The following OR2B3 variants were observed in gnomAD, a reference collection of about 807,000 sequenced individuals.
OR2B3 encodes putative olfactory receptor 2B3.
For synonymous variants in OR2B3, 123 were observed against 133.8 expected (o/e 0.92, Z 0.56); for missense variants, 341 against 374.8 (o/e 0.91, Z 0.74).
At position 29,086,346 on chromosome 6, in the gene OR2B3, G is replaced by A. The variant is rs373141317; in HGVS notation, c.903C>T (p.Phe301=). 7 of 1,604,058 alleles carry A rather than the reference G, an allele frequency of 4.4e-6. No individual in the cohort carries two copies. The highest frequency in any genetic ancestry group is 4.5e-5 in the East Asian group (2 of 44,814). Reference sequence around the variant, plus strand: ...AAAAGATTCTTGGCATCAGCCTCTTGAAGGCCTCCTTCATATCTTTATTTC... The same window carrying A: ...AAAAGATTCTTGGCATCAGCCTCTTAAAGGCCTCCTTCATATCTTTATTTC... The part of the protein sequence containing the change: ...SLRNKDMKEA[F]KRLMPRIFFC... Residue 301 remains phenylalanine, a synonymous_variant, in exon 1 of 1, where the codon TTC becomes TTT. Coordinates refer to ENST00000377173, the MANE Select transcript of OR2B3 (RefSeq NM_001005226.2).
In OR2B3 at chr6:29,086,865, T is replaced by A; in HGVS notation, c.384A>T (p.Arg128Ser). The change falls in exon 1 of 1, where the codon AGA becomes AGT. Residue 128 changes from arginine (R) to serine (S), a missense_variant. By Grantham distance (110) the Arg-to-Ser change is moderately radical. Transcript: ENST00000377173. ...MSFDRYVAVC[R>S]PLHYVVIMNY... ...TCATGATGACTACATAGTGGAGGGG[T>A]CTGCAAACAGCCACATATCTGTCAA... 2 of 1,613,954 alleles carry A rather than the reference T, an allele frequency of 1.2e-6. No homozygotes were observed. Among genetic ancestry groups the A allele is most frequent in the Middle Eastern group, 1.6e-4 (1 of 6,062 alleles).
chr6:29,087,257 A>G lies in OR2B3; in HGVS notation c.-9T>C. On this transcript the variant is annotated 5_prime_UTR_variant, in exon 1 of 1. Coordinates refer to ENST00000377173, the MANE Select transcript of OR2B3 (RefSeq NM_001005226.2). ...TCATTTTCCCAATTCATGATGACTC[A>G]CTTATTTCGCACTCCTAAAAAAATG... is the stretch of plus-strand genomic sequence containing the variant. 6.4e-7 allele frequency: 1 copy of G among 1,573,520 alleles called. No homozygotes were observed. Among genetic ancestry groups the G allele is most frequent in the Non-Finnish European group, 8.7e-7 (1 of 1,153,192 alleles).
In OR2B3 at chr6:29,086,406, G is replaced by A. The variant is rs750773798; in HGVS notation, c.843C>T (p.Ile281=). Residue 281 remains isoleucine, a synonymous_variant, in exon 1 of 1, where the codon ATC becomes ATT. Coordinates refer to ENST00000377173, the MANE Select transcript of OR2B3 (RefSeq NM_001005226.2). ...AGATGAGGGAGTTCAACATGGATGT[G>A]ATGATTCCATAGAAGAGGGAAACCA... The part of the protein sequence containing the change: ...GKMVSLFYGI[I]TSMLNSLIYS... 6.2e-7 allele frequency: 1 copy of A among 1,613,974 alleles called. No individual in the cohort carries two copies. Among genetic ancestry groups the A allele is most frequent in the Admixed American group, 1.7e-5 (1 of 60,016 alleles).
chr6:29,087,287 A>C lies in OR2B3; in HGVS notation c.-39T>G, dbSNP rs368004093. ...TTTCGCACTCCTAAAAAAATGTAAG[A>C]TAGGAAAGCAATCAATGTTTGTTTA... On this transcript the variant is annotated 5_prime_UTR_variant, in exon 1 of 1. Coordinates refer to ENST00000377173, the MANE Select transcript of OR2B3 (RefSeq NM_001005226.2). 9.8e-6 allele frequency: 13 copies of C among 1,332,866 alleles called. No homozygotes were observed. The highest frequency in any genetic ancestry group is 1.4e-5 in the Non-Finnish European group (13 of 953,566). The allele number at this position is 1,332,866 out of a possible 1,614,324, so 82.6% of individuals were successfully genotyped here.
rs866319415 is a variant in OR2B3, at chr6:29,086,533, C to T, written c.716G>A (p.Gly239Glu). 1 of 1,614,018 alleles carries T rather than the reference C, an allele frequency of 6.2e-7. No individual in the cohort carries two copies. The highest frequency in any genetic ancestry group is 8.5e-7 in the Non-Finnish European group (1 of 1,179,940). ...RSAEGRQKAF[G>E]TCGSHMIVVS... ...CACAATCATGTGGGACCCACATGTC[C>T]CAAATGCTTTTTGCCGTCCTTCTGC... Residue 239 changes from glycine (G) to glutamate (E), a missense_variant, in exon 1 of 1, where the codon GGG (glycine) becomes GAG (glutamate). Transcript: ENST00000377173.
chr6:29,086,574 T>C lies in OR2B3; in HGVS notation c.675A>G (p.Val225=), dbSNP rs1434257853. The C allele has an allele frequency of 2.5e-6, 4 of 1,614,054 alleles. No individual in the cohort carries two copies. In the East Asian group the frequency reaches 8.9e-5, roughly 36 times the overall value. ...LISYGFIAQA[V]LKIRSAEGRQ... Reference sequence around the variant, plus strand: ...GTCCTTCTGCTGACCTGATTTTTAATACTGCTTGAGCTATGAAGCCATAGG... The same window carrying C: ...GTCCTTCTGCTGACCTGATTTTTAACACTGCTTGAGCTATGAAGCCATAGG... The change falls in exon 1 of 1, where the codon GTA becomes GTG. Residue 225 remains valine, a synonymous_variant. Coordinates refer to ENST00000377173, the MANE Select transcript of OR2B3 (RefSeq NM_001005226.2).
At position 29,087,048 on chromosome 6, in the gene OR2B3, G is replaced by T; in HGVS notation, c.201C>A (p.Ser67=). Residue 67 remains serine, a synonymous_variant, in exon 1 of 1, where the codon TCC becomes TCA. Coordinates refer to ENST00000377173, the MANE Select transcript of OR2B3 (RefSeq NM_001005226.2). ...TPMYFFLTNL[S]ILDLCYTTTT... Reference sequence around the variant, plus strand: ...TTGTGGTATAGCAGAGATCTAAGATGGAGAGATTAGTGAGAAAGAAATACA... The same window carrying T: ...TTGTGGTATAGCAGAGATCTAAGATTGAGAGATTAGTGAGAAAGAAATACA... The T allele has an allele frequency of 6.2e-7, 1 of 1,614,166 alleles. No homozygotes were observed. The highest frequency in any genetic ancestry group is 8.5e-7 in the Non-Finnish European group (1 of 1,180,004).
In OR2B3 at chr6:29,087,166, A is replaced by G. The variant is rs1394044458; in HGVS notation, c.83T>C (p.Phe28Ser). 12 of 1,614,054 alleles carry G rather than the reference A, an allele frequency of 7.4e-6. No individual in the cohort carries two copies. Among genetic ancestry groups the G allele is most frequent in the Non-Finnish European group, 9.3e-6 (11 of 1,180,008 alleles). The change falls in exon 1 of 1, where the codon TTT becomes TCT. Residue 28 changes from phenylalanine to serine, a missense_variant. Phe to Ser is a radical substitution (Grantham distance 155, BLOSUM62 -2). Transcript: ENST00000377173. ...SDRAWLQMPL[F>S]VVLLISYTIT... ...TGTGTATGATATTAACAGGACCACA[A>G]AAAGGGGCATTTGTAGCCAAGCCCT...
At position 29,086,805 on chromosome 6, in the gene OR2B3, TGAG is replaced by T. The variant is rs1419223839; in HGVS notation, c.441_443del (p.Phe147_Ser148delinsLeu). 3 of 1,613,962 alleles carry T rather than the reference TGAG, an allele frequency of 1.9e-6. No homozygotes were observed. In the African/African-American group the frequency reaches 4.0e-5, roughly 22 times the overall value. On this transcript the variant is annotated inframe_deletion, in exon 1 of 1. Transcript: ENST00000377173. Reference sequence around the variant, plus strand: ...CTGAGTTGCCGAAACCAATGAGCCATGAGAAGGCTGCCATCCTTAGGCAGAACC... The same window carrying T: ...CTGAGTTGCCGAAACCAATGAGCCATAAGGCTGCCATCCTTAGGCAGAACC...
In OR2B3 at chr6:29,086,376, G is replaced by C; in HGVS notation, c.873C>G (p.Ser291Arg). The C allele has an allele frequency of 6.2e-7, 1 of 1,613,606 alleles. No individual in the cohort carries two copies. Among genetic ancestry groups the C allele is most frequent in the South Asian group, 1.1e-5 (1 of 90,914 alleles). ...ITSMLNSLIYSLRNKDMKEAF... is the reference protein window; with the variant it reads ...ITSMLNSLIYRLRNKDMKEAF... ...CCTCCTTCATATCTTTATTTCTAAGGCTGTAGATGAGGGAGTTCAACATGG... is the reference window on the plus strand; with the variant it reads ...CCTCCTTCATATCTTTATTTCTAAGCCTGTAGATGAGGGAGTTCAACATGG... Residue 291 changes from serine to arginine, a missense_variant, in exon 1 of 1, where the codon AGC becomes AGG. Physicochemically the swap from Ser to Arg is moderately radical, Grantham distance 110. Coordinates refer to ENST00000377173, the MANE Select transcript of OR2B3 (RefSeq NM_001005226.2).
In OR2B3 at chr6:29,087,228, G is replaced by A. The variant is rs1472763950; in HGVS notation, c.21C>T (p.Ser7=). 19 of 1,600,542 alleles carry A rather than the reference G, an allele frequency of 1.2e-5. No homozygotes were observed. Among genetic ancestry groups the A allele is most frequent in the Non-Finnish European group, 1.5e-5 (18 of 1,172,480 alleles). Residue 7 remains serine, a synonymous_variant, in exon 1 of 1, where the codon AGC becomes AGT. Transcript: ENST00000377173. MNWENE[S]SPKEFILLGF... is the part of the protein sequence containing the mutation. ...CAAGTAGTATAAACTCTTTTGGGGA[G>A]CTCTCATTTTCCCAATTCATGATGA...
chr6:29,086,922 A>G lies in OR2B3; in HGVS notation c.327T>C (p.Ala109=), dbSNP rs1377551219. ...TAACAGCCAGAAGGAGACACTCTGTAGCACCTAGGGCCAGGAAGATGATGA... is the reference window on the plus strand; with the variant it reads ...TAACAGCCAGAAGGAGACACTCTGTGGCACCTAGGGCCAGGAAGATGATGA... ...AHLIIFLALG[A]TECLLLAVMS... The change falls in exon 1 of 1, where the codon GCT becomes GCC. Residue 109 remains alanine (A), a synonymous_variant. Transcript: ENST00000377173. 1 of 1,614,250 alleles carries G rather than the reference A, an allele frequency of 6.2e-7. No homozygotes were observed. Among genetic ancestry groups the G allele is most frequent in the South Asian group, 1.1e-5 (1 of 91,090 alleles).
In OR2B3 at chr6:29,086,524, C is replaced by T; in HGVS notation, c.725G>A (p.Gly242Glu). ...GAGGGACACCACAATCATGTGGGAC[C>T]CACATGTCCCAAATGCTTTTTGCCG... ...EGRQKAFGTC[G>E]SHMIVVSLFY... The change falls in exon 1 of 1, where the codon GGG (glycine) becomes GAG (glutamate). Residue 242 changes from glycine to glutamate, a missense_variant. Gly to Glu is a moderately conservative substitution (Grantham distance 98). Transcript: ENST00000377173. The T allele has an allele frequency of 6.2e-7, 1 of 1,613,844 alleles. No individual in the cohort carries two copies. The highest frequency in any genetic ancestry group is 8.5e-7 in the Non-Finnish European group (1 of 1,179,818).
In OR2B3 at chr6:29,086,243, A is replaced by G; in HGVS notation, c.*64T>C. 2.1e-6 allele frequency: 2 copies of G among 969,092 alleles called. No individual in the cohort carries two copies. Among genetic ancestry groups the G allele is most frequent in the Non-Finnish European group, 1.5e-6 (1 of 645,546 alleles). The allele number at this position is 969,092 out of a possible 1,614,324, so 60.0% of individuals were successfully genotyped here. A position where few individuals can be genotyped will look rare whatever the true frequency, so the allele number is the denominator to read the frequency against. The stretch of plus-strand genomic sequence containing the variant: ...CTGGAAAATAGGAAAATGAGTTCAA[A>G]GGTCATTACCATCATTGAAGATAAG... On this transcript the variant is annotated 3_prime_UTR_variant, in exon 1 of 1. Coordinates refer to ENST00000377173, the MANE Select transcript of OR2B3 (RefSeq NM_001005226.2).
rs1760654014 is a variant in OR2B3 at position 29,087,060 on chromosome 6, GAGAA to G, written c.185_188del (p.Phe62SerfsTer7). ...AGAGATCTAAGATGGAGAGATTAGT[GAGAA>G]AGAAATACATGGGAGTATGAAGTTT... On this transcript the variant is annotated frameshift_variant, in exon 1 of 1. Transcript: ENST00000377173. LOFTEE classifies it low-confidence loss of function (END_TRUNC). 1 of 1,614,182 alleles carries G rather than the reference GAGAA, an allele frequency of 6.2e-7. No homozygotes were observed. The highest frequency in any genetic ancestry group is 1.3e-5 in the African/African-American group (1 of 75,046).
rs1760641640 is a variant in OR2B3, at chr6:29,086,927, C to T, written c.322G>A (p.Gly108Ser). 1 of 1,614,096 alleles carries T rather than the reference C, an allele frequency of 6.2e-7. No individual in the cohort carries two copies. Residue 108 changes from glycine (G) to serine (S), a missense_variant, in exon 1 of 1, where the codon GGT becomes AGT. Gly to Ser is a moderately conservative substitution (Grantham distance 56, BLOSUM62 0). Coordinates refer to ENST00000377173, the MANE Select transcript of OR2B3 (RefSeq NM_001005226.2). ...VAHLIIFLAL[G>S]ATECLLLAVM... ...GCCAGAAGGAGACACTCTGTAGCAC[C>T]TAGGGCCAGGAAGATGATGAGGTGG...
chr6:29,087,313 T>C lies in OR2B3; in HGVS notation c.-65A>G. 8 of 986,696 alleles carry C rather than the reference T, an allele frequency of 8.1e-6. No individual in the cohort carries two copies. The highest frequency in any genetic ancestry group is 1.2e-5 in the Non-Finnish European group (8 of 654,224). 61.1% of individuals were successfully genotyped at this position (986,696 alleles called of 1,614,324 possible). On this transcript the variant is annotated 5_prime_UTR_variant, in exon 1 of 1. Coordinates refer to ENST00000377173, the MANE Select transcript of OR2B3 (RefSeq NM_001005226.2). ...TAGGAAAGCAATCAATGTTTGTTTA[T>C]TGAATACTCTTACTGGAGCTGAATT...
In OR2B3 at chr6:29,087,155, A is replaced by G; in HGVS notation, c.94T>C (p.Leu32=). The G allele has an allele frequency of 6.2e-7, 1 of 1,614,138 alleles. No homozygotes were observed. Among genetic ancestry groups the G allele is most frequent in the Non-Finnish European group, 8.5e-7 (1 of 1,179,992 alleles). Reference sequence around the variant, plus strand: ...AATATGGTGATTGTGTATGATATTAACAGGACCACAAAAAGGGGCATTTGT... The same window carrying G: ...AATATGGTGATTGTGTATGATATTAGCAGGACCACAAAAAGGGGCATTTGT... The part of the protein sequence containing the change: ...WLQMPLFVVL[L]ISYTITIFGN... The change falls in exon 1 of 1, where the codon TTA becomes CTA. Residue 32 remains leucine, a synonymous_variant. Transcript: ENST00000377173.
Position 29,086,893 on chromosome 6 carries a change from GA to G in OR2B3, c.355del (p.Ser119ProfsTer15). ...ATECLLLAVM[S>X]FDRYVAVCRP... ...GCAAACAGCCACATATCTGTCAAAGGACATAACAGCCAGAAGGAGACACTCT... is the reference window on the plus strand; with the variant it reads ...GCAAACAGCCACATATCTGTCAAAGGCATAACAGCCAGAAGGAGACACTCT... On this transcript the variant is annotated frameshift_variant, in exon 1 of 1. Coordinates refer to ENST00000377173, the MANE Select transcript of OR2B3 (RefSeq NM_001005226.2). LOFTEE classifies it low-confidence loss of function (END_TRUNC). The G allele has an allele frequency of 1.9e-6, 3 of 1,614,182 alleles. No individual in the cohort carries two copies. Among genetic ancestry groups the G allele is most frequent in the Non-Finnish European group, 2.5e-6 (3 of 1,180,016 alleles).
Sources: allele counts gnomAD v4.1 joint callset, GRCh38; gene constraint gnomAD v4.1.1; transcripts MANE v1.5; gene names NCBI Gene and HGNC (gene_info 2026-07-23, HGNC 2026-07-21).